The following KCNMA1 variants were observed in gnomAD, a reference collection of about 807,000 sequenced individuals.
The protein encoded by KCNMA1 is Calcium-activated potassium channel subunit alpha-1.
KCNMA1 carries 29 observed loss-of-function variants against 140.0 expected under a neutral mutation model. The observed-to-expected ratio is 0.21, with a 90% CI of 0.15 to 0.28. KCNMA1 has a LOEUF of 0.28. Ranked by LOEUF, KCNMA1 falls within the 10% of genes least tolerant of loss-of-function variation. The pLI is 1.00. For missense variants in KCNMA1, 880 were observed against 1,602.2 expected (o/e 0.55, Z 7.70); for synonymous variants, 612 against 611.9 (o/e 1.00, Z 0.00).
At position 77,039,760 on chromosome 10, in the gene KCNMA1, C is replaced by T. The variant is rs1324678102; in HGVS notation, c.1750-123G>A. On this transcript the variant is annotated intron_variant, in intron 14 of 27. Coordinates refer to ENST00000286628, the MANE Select transcript of KCNMA1 (RefSeq NM_001161352.2). ...GGTTAGATAATGGTGACCTTTTCAG[C>T]AATCAGGAACACGGCCTCTGCACCC... The T allele has an allele frequency of 4.2e-6, 3 of 706,596 alleles. 1 individual carries two copies. The South Asian group carries it at 4.5e-5, about 11-fold the overall frequency. 43.8% of individuals were successfully genotyped at this position (706,596 alleles called of 1,614,324 possible). A position where few individuals can be genotyped will look rare whatever the true frequency, so the allele number is the denominator to read the frequency against.
chr10:77,008,062 A>G, intron 18 of KCNMA1: 2 of 982,204 alleles, frequency 2.0e-6, no homozygotes, highest in Non-Finnish European at 1.5e-6. Context: ...TCACTGCTAC[A>G]TGCAACATAA....
chr10:76,880,132 A>T (rs2034022033), downstream of KCNMA1, among the ~76,000 whole-genome samples: 1 of 152,230 alleles, frequency 6.6e-6, no homozygotes, highest in Non-Finnish European at 1.5e-5. Context: ...CAATTTGCTG[A>T]AATTTTTACA....
chr10:77,594,932 T>C (rs2080343462), intron 1 of KCNMA1, among the ~76,000 whole-genome samples: 1 of 152,220 alleles, frequency 6.6e-6, no homozygotes, highest in African/African-American at 2.4e-5. Flanking sequence ...TTGTGTTACA[T>C]GGCTGGAGTT....
chr10:76,925,846 T>C (rs527561126), intron 23 of KCNMA1, among the ~76,000 whole-genome samples: 3 of 152,072 alleles, frequency 2.0e-5, no homozygotes, highest in Non-Finnish European at 4.4e-5. Flanking sequence ...GAAAATTAAG[T>C]AGCTGTAAAA....
intron 1 of KCNMA1, among the ~76,000 whole-genome samples, chr10:77,583,361 T>C (rs571444683): frequency 9.2e-5 from 14 of 152,186 alleles, no homozygotes; most frequent in Admixed American, 2.6e-4. Flanking sequence ...ATCCAGGTCC[T>C]GACAAATAGA....
intron 1 of KCNMA1, among the ~76,000 whole-genome samples, chr10:77,425,625 G>A (rs2096968795): frequency 6.6e-6 from 1 of 152,182 alleles, no homozygotes; most frequent in Non-Finnish European, 1.5e-5. Flanking sequence ...AATGTGGGCT[G>A]CCTTCCCAGC....
Position 76,884,898 on chromosome 10 carries a change from T to C in KCNMA1, c.*2368A>G. ...AGAATAAAATTTGTAACTCCTTTTT[T>C]TTTAATTTCACAAAAGTTTTCACAA... On this transcript the variant is annotated 3_prime_UTR_variant, in exon 28 of 28. Coordinates refer to ENST00000286628, the MANE Select transcript of KCNMA1 (RefSeq NM_001161352.2). 1 of 1,439,040 alleles carries C rather than the reference T, an allele frequency of 6.9e-7. No homozygotes were observed. The highest frequency in any genetic ancestry group is 9.1e-7 in the Non-Finnish European group (1 of 1,094,640). The allele number at this position is 1,439,040 out of a possible 1,614,324, so 89.1% of individuals were successfully genotyped here. A position where few individuals can be genotyped will look rare whatever the true frequency, so the allele number is the denominator to read the frequency against.
chr10:77,520,383 C>A (rs1188468850), intron 1 of KCNMA1, among the ~76,000 whole-genome samples: 1 of 151,802 alleles, frequency 6.6e-6, no homozygotes, highest in Admixed American at 6.6e-5. Context: ...TGGTTTCCAA[C>A]TTTACCAGGT....
At chr10:77,025,854 C>T (rs997801646) in intron 16 of KCNMA1, among the ~76,000 whole-genome samples, 5 of 151,792 alleles carry the variant, frequency 3.3e-5, no homozygotes, top group African/African-American at 1.2e-4. Flanking sequence ...ATCCACATTC[C>T]CTCAAACACA....
At chr10:77,378,204 C>G (rs748761500) in intron 2 of KCNMA1, among the ~76,000 whole-genome samples, 2 of 152,176 alleles carry the variant, frequency 1.3e-5, no homozygotes, top group African/African-American at 2.4e-5. Flanking sequence ...AGAACACCCA[C>G]TGACTCACTC....
chr10:76,924,921 G>A (rs531314202), intron 23 of KCNMA1, among the ~76,000 whole-genome samples: 5 of 152,216 alleles, frequency 3.3e-5, no homozygotes, highest in South Asian at 2.1e-4. Context: ...CAACACAGAG[G>A]GAAAGTGGCA....
chr10:77,594,338 A>G (rs2080156203), intron 1 of KCNMA1, among the ~76,000 whole-genome samples: 1 of 152,116 alleles, frequency 6.6e-6, no homozygotes, highest in African/African-American at 2.4e-5. Context: ...GCCAGCCACC[A>G]ATTTCCCCTC....
intron 9 of KCNMA1, among the ~76,000 whole-genome samples, chr10:77,105,855 A>G (rs1049963897): frequency 6.6e-6 from 1 of 152,172 alleles, no homozygotes; most frequent in African/African-American, 2.4e-5. Context: ...AAGACCTTAT[A>G]TTGCTAATTA....
chr10:77,418,805 C>T (rs940808156), intron 1 of KCNMA1, among the ~76,000 whole-genome samples: 1 of 152,118 alleles, frequency 6.6e-6, no homozygotes. Context: ...GAAGAGCTCC[C>T]GATGGAAGTG....
chr10:76,989,750 TCTCTGCCTGTAGCTGATATGAC>T (rs1010354586), intron 19 of KCNMA1, among the ~76,000 whole-genome samples: 1 of 152,062 alleles, frequency 6.6e-6, no homozygotes, highest in Non-Finnish European at 1.5e-5. Flanking sequence ...TCTGTGGGCT[TCTCTGCCTGTAGCTGATATGAC>T]CTCTTATAAG....
chr10:77,489,896 T>C (rs2098511194), intron 1 of KCNMA1, among the ~76,000 whole-genome samples: 1 of 152,248 alleles, frequency 6.6e-6, no homozygotes, highest in African/African-American at 2.4e-5. Flanking sequence ...CTGGTGCAGC[T>C]GTGCTGCCTA....
intron 2 of KCNMA1, among the ~76,000 whole-genome samples, chr10:77,299,668 C>G (rs1470621069): frequency 1.3e-5 from 2 of 152,108 alleles, no homozygotes; most frequent in East Asian, 3.9e-4. Context: ...AAGGGAAAAA[C>G]AAAGAGGGGG....
chr10:76,975,753 A>C (rs780708521), intron 19 of KCNMA1, among the ~76,000 whole-genome samples: 1 of 152,194 alleles, frequency 6.6e-6, no homozygotes, highest in Non-Finnish European at 1.5e-5. Flanking sequence ...GAAGTTTGAT[A>C]AGCACTGCAG....
At chr10:77,350,378 T>G (rs1425436640) in intron 2 of KCNMA1, 1 of 152,248 alleles carries the variant, frequency 6.6e-6, no homozygotes, top group East Asian at 1.9e-4. Context: ...AGGATGAATC[T>G]TGAGCCTGGG....
Sources: gnomAD v4.1 joint callset for allele counts (sites outside exome capture counted in the v4.1 genomes callset) on GRCh38, gnomAD v4.1.1 for gene constraint, MANE v1.5 for transcripts, NCBI Gene and HGNC (gene_info 2026-07-23, HGNC 2026-07-21) for gene names.